The following SETDB2 variants were observed in gnomAD, a reference collection of about 807,000 sequenced individuals.
SETDB2 encodes the protein SET domain bifurcated histone lysine methyltransferase 2, also known as histone-lysine N-methyltransferase SETDB2.
Under a neutral mutation model 82.5 loss-of-function variants are expected in SETDB2, and 56 were observed. That is an observed-to-expected ratio of 0.68 (90% CI 0.55 to 0.85). The LOEUF is 0.85. Ranked by LOEUF, SETDB2 falls within the 40% of genes least tolerant of loss-of-function variation. SETDB2 has a pLI of 0.00. For missense variants in SETDB2, 677 were observed against 816.4 expected (o/e 0.83, Z 2.08); for synonymous variants, 272 against 284.9 (o/e 0.95, Z 0.46).
At chr13:49,451,478 C>CATATACAT (rs1202331201) in intron 1 of SETDB2, 75 bp from the exon 2 acceptor site, 1 of 140,494 alleles carries the variant, frequency 7.1e-6, no homozygotes, top group Non-Finnish European at 1.5e-5. Flanking sequence ...CTTATATATA[C>CATATACAT]ATATATATAT....
Position 49,482,351 on chromosome 13 carries a change from T to C in SETDB2, c.1157-386T>C, listed in dbSNP as rs555858360. The C allele has an allele frequency of 7.1e-6, 7 of 983,938 alleles. No homozygotes were observed. In the East Asian group the frequency reaches 5.7e-4, roughly 80 times the overall value. The allele number at this position is 983,938 out of a possible 1,614,324, so 61.0% of individuals were successfully genotyped here. On this transcript the variant is annotated intron_variant, in intron 8 of 13. Transcript: ENST00000611815. ...CACCACATATTTAAATAGGTACTTT[T>C]GTTAAAAATTTTAAGTTTCAGATGA... is the stretch of plus-strand genomic sequence containing the variant.
chr13:49,448,425 C>G (rs1957731428), intron 1 of SETDB2, among the ~76,000 whole-genome samples: 1 of 152,062 alleles, frequency 6.6e-6, no homozygotes, highest in Non-Finnish European at 1.5e-5. Flanking sequence ...TTATTTAAGG[C>G]CTAAATATCT....
At chr13:49,462,243 T>C (rs1454431783) in intron 4 of SETDB2, among the ~76,000 whole-genome samples, 1 of 152,202 alleles carries the variant, frequency 6.6e-6, no homozygotes, top group East Asian at 1.9e-4. Flanking sequence ...GGGATGAAAG[T>C]GCGAACTCAT....
intron 9 of SETDB2, among the ~76,000 whole-genome samples, chr13:49,483,263 C>T (rs1958514969): frequency 6.6e-6 from 1 of 152,002 alleles, no homozygotes; most frequent in South Asian, 2.1e-4. Flanking sequence ...CATAGGTTCT[C>T]TTCCTTTTCC....
intron 8 of SETDB2, chr13:49,482,107 TA>T: frequency 4.1e-6 from 4 of 985,366 alleles, no homozygotes; most frequent in Non-Finnish European, 4.8e-6. Flanking sequence ...AAGCTACCTG[TA>T]AAATGCCAGG....
intron 4 of SETDB2, among the ~76,000 whole-genome samples, chr13:49,463,829 CTA>C (rs1219752355): frequency 6.6e-6 from 1 of 152,182 alleles, no homozygotes; most frequent in African/African-American, 2.4e-5. Context: ...TTTCTCCTCT[CTA>C]TGTTGAGGGA....
At chr13:49,458,702 A>G (rs988321211) in intron 2 of SETDB2, among the ~76,000 whole-genome samples, 2 of 152,240 alleles carry the variant, frequency 1.3e-5, no homozygotes, top group African/African-American at 4.8e-5. Flanking sequence ...TCTAGAGCCT[A>G]TGCATCCAGT....
intron 10 of SETDB2, among the ~76,000 whole-genome samples, chr13:49,484,561 C>T (rs1053311228): frequency 7.9e-5 from 12 of 152,144 alleles, no homozygotes; most frequent in African/African-American, 2.7e-4. Flanking sequence ...TGAGCCACTG[C>T]GCCTGGCTGA....
At chr13:49,455,459 T>C (rs943234115) in intron 2 of SETDB2, among the ~76,000 whole-genome samples, 3 of 152,204 alleles carry the variant, frequency 2.0e-5, no homozygotes, top group Non-Finnish European at 4.4e-5. Context: ...TTGTAAAATA[T>C]TGGCTCAGTG....
chr13:49,449,682 G>A (rs1421309733), intron 1 of SETDB2, among the ~76,000 whole-genome samples: 3 of 152,088 alleles, frequency 2.0e-5, no homozygotes, highest in Non-Finnish European at 4.4e-5. Flanking sequence ...AAGTTAGCAT[G>A]CTTCTACTTT....
At chr13:49,447,701 T>C (rs1357654681) in intron 1 of SETDB2, among the ~76,000 whole-genome samples, 1 of 152,160 alleles carries the variant, frequency 6.6e-6, no homozygotes, top group Non-Finnish European at 1.5e-5. Context: ...CATGTTAAAC[T>C]TTTTAGGTAT....
Position 49,451,916 on chromosome 13 carries a change from TGAA to T in SETDB2, c.16+11_16+13del, listed in dbSNP as rs772395451. 9 of 1,588,924 alleles carry T rather than the reference TGAA, an allele frequency of 5.7e-6. No individual in the cohort carries two copies. The highest frequency in any genetic ancestry group is 1.4e-5 in the African/African-American group (1 of 73,914). On this transcript the variant is annotated splice_region_variant and intron_variant, in intron 2 of 13. Coordinates refer to ENST00000611815, the MANE Select transcript of SETDB2 (RefSeq NM_001160308.3). ...AAGATGGGAGAAAAAAATGGTAGGT[TGAA>T]GAACACACTGTTACACTTTATATCT...
At chr13:49,464,187 C>CTGTCAG (rs1958054925) in intron 4 of SETDB2, 15 of 687,838 alleles carry the variant, frequency 2.2e-5, no homozygotes, top group Middle Eastern at 2.5e-4. Flanking sequence ...GTAACAGTGT[C>CTGTCAG]TGTCTGAGTA....
chr13:49,457,601 CTTT>C (rs1957914529), intron 2 of SETDB2, among the ~76,000 whole-genome samples: 1 of 151,768 alleles, frequency 6.6e-6, no homozygotes, highest in Non-Finnish European at 1.5e-5. Flanking sequence ...GCCCAGCTAA[CTTT>C]TTTGTGTTTT....
At position 49,481,125 on chromosome 13, in the gene SETDB2, A is replaced by G; in HGVS notation, c.1156+9A>G. The stretch of plus-strand genomic sequence containing the variant: ...TGTTTGCATTTATTCAGGTAAAGCA[A>G]AAGTTTATTTTCAAATTATTCTAGA... On this transcript the variant is annotated intron_variant, in intron 8 of 13. Coordinates refer to ENST00000611815, the MANE Select transcript of SETDB2 (RefSeq NM_001160308.3). The G allele has an allele frequency of 6.2e-7, 1 of 1,606,236 alleles. No homozygotes were observed. Among genetic ancestry groups the G allele is most frequent in the Non-Finnish European group, 8.5e-7 (1 of 1,176,296 alleles).
chr13:49,455,173 T>G lies in SETDB2; in HGVS notation c.16+3264T>G, dbSNP rs377610600. Reference sequence around the variant, plus strand: ...ATATCTGCTTCTACATTCAGTCTTCTGTGTTATATTACTTTGGTTGAACTG... The same window carrying G: ...ATATCTGCTTCTACATTCAGTCTTCGGTGTTATATTACTTTGGTTGAACTG... On this transcript the variant is annotated intron_variant, in intron 2 of 13. Coordinates refer to ENST00000611815, the MANE Select transcript of SETDB2 (RefSeq NM_001160308.3). Among the ~76,000 whole-genome samples the G allele has an allele frequency of 3.3e-5, 5 of 152,314 alleles. No individual in the cohort carries two copies. In the East Asian group the frequency reaches 5.8e-4, roughly 18 times the overall value.
rs772695816 is a variant in SETDB2, at chr13:49,491,819, G to A, written c.2094G>A (p.Gly698=). 7.4e-6 allele frequency: 12 copies of A among 1,611,738 alleles called. No homozygotes were observed. The highest frequency in any genetic ancestry group is 1.0e-5 in the Non-Finnish European group (12 of 1,178,678). ...VPEKEIFCQC[G]VNKCRKKIL ...AGAAGGAAATCTTCTGCCAATGTGG[G>A]GTTAATAAATGTAGAAAAAAAATAT... Residue 698 remains glycine (G), a synonymous_variant, in exon 14 of 14, where the codon GGG becomes GGA. Transcript: ENST00000611815.
intron 5 of SETDB2, among the ~76,000 whole-genome samples, chr13:49,470,687 A>G (rs552616989): frequency 2.0e-5 from 3 of 152,210 alleles, no homozygotes; most frequent in East Asian, 3.9e-4. Context: ...ATCTCTACAA[A>G]AAGTAACAAA....
chr13:49,460,359 C>T (rs567453411), intron 3 of SETDB2, 127 bp downstream of exon 3: 1 of 969,278 alleles, frequency 1.0e-6, no homozygotes, highest in Admixed American at 3.8e-5. Context: ...TGAATAATAC[C>T]TACTGAATTT....
Sources: allele counts gnomAD v4.1 joint callset (sites outside exome capture counted in the v4.1 genomes callset), GRCh38; gene constraint gnomAD v4.1.1; transcripts MANE v1.5; gene names NCBI Gene and HGNC (gene_info 2026-07-23, HGNC 2026-07-21).